The following PITPNB variants were observed in gnomAD, a reference collection of about 807,000 sequenced individuals.
PITPNB encodes the protein phosphatidylinositol transfer protein beta isoform.
Under a neutral mutation model 45.9 loss-of-function variants are expected in PITPNB, and 16 were observed. The ratio of observed to expected loss-of-function variants is 0.35; its 90% CI spans 0.24 to 0.53. PITPNB has a LOEUF of 0.53. Ranked by LOEUF, PITPNB falls within the 20% of genes least tolerant of loss-of-function variation. PITPNB has a pLI of 0.93. For missense variants in PITPNB, 188 were observed against 330.5 expected (o/e 0.57, Z 3.34); for synonymous variants, 112 against 108.9 (o/e 1.03, Z -0.18).
chr22:27,854,451 G>A (rs1334240465), intron 11 of PITPNB, among the ~76,000 whole-genome samples: 2 of 152,190 alleles, frequency 1.3e-5, no homozygotes, highest in Admixed American at 6.5e-5. Flanking sequence ...AGGTTGGCTC[G>A]TATGGTATGG....
intron 8 of PITPNB, among the ~76,000 whole-genome samples, chr22:27,868,016 CATG>C (rs1356183369): frequency 6.6e-6 from 1 of 151,932 alleles, no homozygotes; most frequent in Non-Finnish European, 1.5e-5. Context: ...AAAAATCAGC[CATG>C]CTTGAAGGTC....
At chr22:27,893,721 G>A (rs1449223042) in intron 7 of PITPNB, among the ~76,000 whole-genome samples, 1 of 150,318 alleles carries the variant, frequency 6.7e-6, no homozygotes, top group Non-Finnish European at 1.5e-5. Flanking sequence ...TCCTCATGTA[G>A]CTGGAATTAC....
At chr22:27,873,405 T>G (rs775186587) in intron 8 of PITPNB, among the ~76,000 whole-genome samples, 4 of 152,194 alleles carry the variant, frequency 2.6e-5, no homozygotes, top group Admixed American at 2.6e-4. Flanking sequence ...TAAGACTAAA[T>G]TTAAACTATA....
intron 1 of PITPNB, among the ~76,000 whole-genome samples, chr22:27,916,206 A>G (rs1024463783): frequency 6.6e-6 from 1 of 152,256 alleles, no homozygotes; most frequent in African/African-American, 2.4e-5. Context: ...AATTAAAGTG[A>G]CTGATTAAGA....
intron 8 of PITPNB, among the ~76,000 whole-genome samples, chr22:27,864,768 T>C (rs1355679770): frequency 2.6e-5 from 4 of 152,018 alleles, no homozygotes; most frequent in Non-Finnish European, 4.4e-5. Flanking sequence ...TGAAACCCCG[T>C]CTCTACTAAA....
At chr22:27,877,349 C>T (rs1256675729) in intron 7 of PITPNB, among the ~76,000 whole-genome samples, 2 of 152,066 alleles carry the variant, frequency 1.3e-5, no homozygotes, top group Non-Finnish European at 2.9e-5. Flanking sequence ...AAGGTATATT[C>T]GGATTAGTGT....
intron 9 of PITPNB, 45 bp downstream of exon 9, chr22:27,860,086 G>A (rs374743608): frequency 2.4e-5 from 26 of 1,101,674 alleles, no homozygotes; most frequent in East Asian, 9.4e-5. Flanking sequence ...AGCTAGCTCC[G>A]ATCTCATCCT....
At chr22:27,907,979 T>C (rs925133495) in intron 3 of PITPNB, among the ~76,000 whole-genome samples, 3 of 149,284 alleles carry the variant, frequency 2.0e-5, no homozygotes, top group South Asian at 2.2e-4. Flanking sequence ...TGCTGGAAGG[T>C]TGGCCACCGA....
chr22:27,868,228 G>A (rs749975423), intron 8 of PITPNB, among the ~76,000 whole-genome samples: 2 of 152,108 alleles, frequency 1.3e-5, no homozygotes, highest in African/African-American at 2.4e-5. Context: ...CTACTAGGGC[G>A]GCTAACAAGT....
In PITPNB at chr22:27,899,391, C is replaced by T. The variant is rs1005463177; in HGVS notation, c.198-1499G>A. Among the ~76,000 whole-genome samples, 17 of 152,282 alleles carry T rather than the reference C, an allele frequency of 1.1e-4. 1 individual carries two copies. The East Asian group carries it at 3.3e-3, about 29-fold the overall frequency. ...CCAGGCTGAAGTGCAGTGGCAGGAT[C>T]TCGGCTCACTGCAAGCTCCACTTTG... On this transcript the variant is annotated intron_variant, in intron 3 of 11. Coordinates refer to ENST00000335272, the MANE Select transcript of PITPNB (RefSeq NM_012399.5).
intron 11 of PITPNB, 112 bp from the exon 12 acceptor site, chr22:27,853,775 T>C: frequency 1.4e-6 from 1 of 737,318 alleles, no homozygotes; most frequent in Non-Finnish European, 2.4e-6. Context: ...GCAGAAAATG[T>C]ACCCCAACTA....
chr22:27,881,904 C>A (rs1490857255), intron 7 of PITPNB, among the ~76,000 whole-genome samples: 2 of 152,178 alleles, frequency 1.3e-5, no homozygotes, highest in Non-Finnish European at 2.9e-5. Flanking sequence ...CAATATTTAA[C>A]TTTTTCTGGT....
intron 2 of PITPNB, among the ~76,000 whole-genome samples, chr22:27,911,925 T>C (rs754501841): frequency 1.3e-5 from 2 of 152,224 alleles, no homozygotes; most frequent in Non-Finnish European, 2.9e-5. Flanking sequence ...CTGTATTTTC[T>C]ACGCCAATCT....
intron 7 of PITPNB, among the ~76,000 whole-genome samples, chr22:27,884,012 G>A (rs1032088487): frequency 3.9e-5 from 6 of 152,198 alleles, no homozygotes; most frequent in Non-Finnish European, 7.3e-5. Flanking sequence ...CTAGTGAGTG[G>A]ACCCACAGCT....
At chr22:27,917,082 C>T (rs552578979) in intron 1 of PITPNB, among the ~76,000 whole-genome samples, 1 of 152,262 alleles carries the variant, frequency 6.6e-6, no homozygotes, top group South Asian at 2.1e-4. Flanking sequence ...AGGGGAGATA[C>T]ACATGAAGAG....
chr22:27,889,171 T>C (rs1935204317), intron 7 of PITPNB, among the ~76,000 whole-genome samples: 1 of 152,164 alleles, frequency 6.6e-6, no homozygotes, highest in Non-Finnish European at 1.5e-5. Context: ...CCTGATAACC[T>C]GAGGGAGGAG....
At chr22:27,878,700 G>C (rs1040633548) in intron 7 of PITPNB, among the ~76,000 whole-genome samples, 2 of 152,200 alleles carry the variant, frequency 1.3e-5, no homozygotes, top group African/African-American at 2.4e-5. Context: ...AGAGTAACAA[G>C]ATCTCAGGAG....
chr22:27,873,125 G>A (rs2038967881), intron 8 of PITPNB, among the ~76,000 whole-genome samples: 1 of 152,124 alleles, frequency 6.6e-6, no homozygotes, highest in Admixed American at 6.5e-5. Flanking sequence ...AAATTAGCCA[G>A]GCATGGTGGC....
At position 27,860,417 on chromosome 22, in the gene PITPNB, G is replaced by C. The variant is rs117470068; in HGVS notation, c.535-176C>G. On this transcript the variant is annotated intron_variant, in intron 8 of 11. Transcript: ENST00000335272. ...TTAGCAAAAGCCGCAGTATTCCCCT[G>C]CTGTAAACCCTCCTTCCACAGACCA... The C allele has an allele frequency of 4.2e-4, 216 of 516,742 alleles. 1 individual carries two copies. In the East Asian group the frequency reaches 6.1e-3, roughly 14 times the overall value. The allele number at this position is 516,742 out of a possible 1,614,324, so 32.0% of individuals were successfully genotyped here. A position where few individuals can be genotyped will look rare whatever the true frequency, so the allele number is the denominator to read the frequency against.
Sources: gnomAD v4.1 joint callset for allele counts (sites outside exome capture counted in the v4.1 genomes callset) on GRCh38, gnomAD v4.1.1 for gene constraint, MANE v1.5 for transcripts, NCBI Gene and HGNC (gene_info 2026-07-23, HGNC 2026-07-21) for gene names.